Variants in DENND2B observed in about 807,000 individuals in gnomAD.
The protein encoded by DENND2B is DENN domain containing 2B, also known as DENN domain-containing protein 2B.
In DENND2B, 32 loss-of-function variants were observed where a neutral mutation model predicts 116.0. The observed-to-expected ratio is 0.28, with a 90% CI of 0.21 to 0.37. The LOEUF is 0.37. Among genes scored for constraint, DENND2B ranks in the 10% least tolerant of loss-of-function variants. DENND2B has a pLI of 1.00. For missense variants in DENND2B, 1,276 were observed against 1,477.7 expected, an observed-to-expected ratio of 0.86 and a Z score of 2.24; for synonymous variants, 588 against 583.9, an observed-to-expected ratio of 1.01 and a Z score of -0.10.
At chr11:8,766,675 C>T (rs1409611990) in intron 1 of DENND2B, 14 of 1,289,226 alleles carry the variant, frequency 1.1e-5, no homozygotes, top group Middle Eastern at 2.1e-4. Flanking sequence ...AGCTATGCGC[C>T]CCACCTCCAT....
At chr11:8,841,268 G>C (rs971069359) in intron 3 of DENND2B, among the ~76,000 whole-genome samples, 1 of 151,562 alleles carries the variant, frequency 6.6e-6, no homozygotes, top group African/African-American at 2.4e-5. Context: ...TTTGTTTTTA[G>C]TCCCTTTGCC....
intron 17 of DENND2B, 60 bp from the exon 18 acceptor site, chr11:8,696,726 T>C (rs2133667840): frequency 6.3e-7 from 1 of 1,592,956 alleles, no homozygotes; most frequent in South Asian, 1.1e-5. Flanking sequence ...CCTTCCTCAA[T>C]CTTCCTGGTG....
intron 4 of DENND2B, among the ~76,000 whole-genome samples, chr11:8,817,923 A>C (rs1330257272): frequency 2.0e-5 from 3 of 151,810 alleles, no homozygotes; most frequent in Admixed American, 6.6e-5. Flanking sequence ...GGATCAAGGA[A>C]GCAATACCCT....
At chr11:8,882,352 T>C (rs2063912236) in intron 1 of DENND2B, among the ~76,000 whole-genome samples, 1 of 152,210 alleles carries the variant, frequency 6.6e-6, no homozygotes, top group Non-Finnish European at 1.5e-5. Context: ...CTTGGGAGAA[T>C]GGATTACTCT....
At chr11:8,878,800 A>G (rs1336431038) in intron 2 of DENND2B, among the ~76,000 whole-genome samples, 5 of 152,222 alleles carry the variant, frequency 3.3e-5, no homozygotes, top group African/African-American at 4.8e-5. Context: ...GCTAAGTGAA[A>G]GAAGCCAGAC....
chr11:8,830,877 G>C (rs1213590709), intron 4 of DENND2B: 1 of 152,272 alleles, frequency 6.6e-6, no homozygotes, highest in Non-Finnish European at 1.5e-5. Context: ...CACAGTGCCT[G>C]ACAGTAGTGG....
chr11:8,715,100 GGGGCCCCGACA>G (rs2044488177), intron 6 of DENND2B, among the ~76,000 whole-genome samples: 1 of 152,208 alleles, frequency 6.6e-6, no homozygotes, highest in African/African-American at 2.4e-5. Flanking sequence ...GCCATAACCT[GGGGCCCCGACA>G]GGAAGAAGCT....
At chr11:8,696,203 T>C (rs2040327759) in intron 18 of DENND2B, among the ~76,000 whole-genome samples, 1 of 152,180 alleles carries the variant, frequency 6.6e-6, no homozygotes, top group Non-Finnish European at 1.5e-5. Flanking sequence ...TAGGTGGAGA[T>C]GAGTCCTACC....
intron 3 of DENND2B, among the ~76,000 whole-genome samples, chr11:8,841,187 AATTT>A (rs1027528001): frequency 2.2e-4 from 33 of 152,234 alleles, no homozygotes; most frequent in African/African-American, 2.9e-4. Flanking sequence ...ACTTGTTTTT[AATTT>A]ATTTATTATT....
At chr11:8,718,096 A>AACCCCCCCCCCC in intron 4 of DENND2B, 5 of 65,008 alleles carry the variant, frequency 7.7e-5, no homozygotes, top group Admixed American at 2.4e-4. Flanking sequence ...AAGCAGACCC[A>AACCCCCCCCCCC]CCCCCCCACC....
At chr11:8,718,312 T>C in intron 4 of DENND2B, 1 of 1,491,282 alleles carries the variant, frequency 6.7e-7, no homozygotes, top group Non-Finnish European at 9.0e-7. Flanking sequence ...TCAGGTCACA[T>C]GGCTGTCCCT....
intron 1 of DENND2B, among the ~76,000 whole-genome samples, chr11:8,776,868 C>T (rs1399167423): frequency 6.6e-6 from 1 of 152,156 alleles, no homozygotes; most frequent in Non-Finnish European, 1.5e-5. Context: ...AGAGAATGAT[C>T]TCCTTAGGGG....
intron 1 of DENND2B, among the ~76,000 whole-genome samples, chr11:8,754,027 G>GTGCACACACA (rs1205427599): frequency 8.7e-5 from 1 of 11,550 alleles, no homozygotes; most frequent in African/African-American, 1.4e-4. Context: ...CACCAAAAGC[G>GTGCACACACA]CGCACACACA....
chr11:8,811,548 C>A, upstream of DENND2B: 5 of 378,674 alleles, frequency 1.3e-5, no homozygotes, highest in Non-Finnish European at 1.9e-5. Context: ...CCCTGGGACA[C>A]GGCAGACCCC....
At chr11:8,808,517 C>T (rs1024968301) in intron 1 of DENND2B, 9 of 152,316 alleles carry the variant, frequency 5.9e-5, no homozygotes, top group South Asian at 2.1e-4. Flanking sequence ...AGGAAAGCAA[C>T]ATTTGTTTCC....
intron 9 of DENND2B, 141 bp from the exon 10 acceptor site, chr11:8,711,372 CT>C: frequency 1.5e-6 from 1 of 672,002 alleles, no homozygotes; most frequent in Non-Finnish European, 2.6e-6. Flanking sequence ...ACTCCGAATT[CT>C]TACAGAGCCC....
At chr11:8,745,604 C>G (rs891651956) in intron 2 of DENND2B, among the ~76,000 whole-genome samples, 2 of 152,170 alleles carry the variant, frequency 1.3e-5, no homozygotes, top group African/African-American at 4.8e-5. Flanking sequence ...AATTATCTTC[C>G]TTTCTCTTGA....
chr11:8,901,231 T>TTTCTTTC (rs1383289123), intron 1 of DENND2B, among the ~76,000 whole-genome samples: 2 of 87,342 alleles, frequency 2.3e-5, no homozygotes, highest in African/African-American at 6.9e-5. Flanking sequence ...TTTCTTTTCT[T>TTTCTTTC]TTTTTTTTTT....
At chr11:8,878,390 A>ATT (rs150901738) in intron 2 of DENND2B, among the ~76,000 whole-genome samples, 8 of 144,662 alleles carry the variant, frequency 5.5e-5, no homozygotes, top group African/African-American at 7.6e-5. Flanking sequence ...AATTGAATGA[A>ATT]TTTTTTTTTT....
Sources: allele counts gnomAD v4.1 joint callset (sites outside exome capture counted in the v4.1 genomes callset), GRCh38; gene constraint gnomAD v4.1.1; transcripts MANE v1.5; gene names NCBI Gene and HGNC (gene_info 2026-07-23, HGNC 2026-07-21).